The following XPO4 variants were observed in gnomAD, a reference collection of about 807,000 sequenced individuals.
XPO4 encodes the protein exportin 4, also known as exportin-4.
XPO4 carries 39 observed loss-of-function variants against 143.0 expected under a neutral mutation model. That is an observed-to-expected ratio of 0.27 (90% CI 0.21 to 0.36). XPO4 has a LOEUF of 0.36. Among genes scored for constraint, XPO4 ranks in the 10% least tolerant of loss-of-function variants. The pLI is 1.00. For synonymous variants in XPO4, 439 were observed against 474.0 expected, an observed-to-expected ratio of 0.93 and a Z score of 0.96; for missense variants, 907 against 1,348.0, an observed-to-expected ratio of 0.67 and a Z score of 5.12.
At chr13:20,821,102 C>T (rs896226782) in intron 9 of XPO4, among the ~76,000 whole-genome samples, 1 of 152,004 alleles carries the variant, frequency 6.6e-6, no homozygotes, top group Non-Finnish European at 1.5e-5. Flanking sequence ...ATGGAAAATA[C>T]ACATTTGGAA....
At chr13:20,878,946 C>G (rs2060380148) in intron 1 of XPO4, among the ~76,000 whole-genome samples, 1 of 152,134 alleles carries the variant, frequency 6.6e-6, no homozygotes, top group South Asian at 2.1e-4. Context: ...TGACCTTAAA[C>G]AACTCTTCTG....
At chr13:20,880,970 A>G in intron 1 of XPO4, among the ~76,000 whole-genome samples, 1 of 152,002 alleles carries the variant, frequency 6.6e-6, no homozygotes, top group East Asian at 1.9e-4. Context: ...AAAAAAAAAA[A>G]AAAGGAATGA....
At chr13:20,797,925 G>A (rs950307369) in intron 16 of XPO4, among the ~76,000 whole-genome samples, 1 of 152,096 alleles carries the variant, frequency 6.6e-6, no homozygotes, top group Non-Finnish European at 1.5e-5. Context: ...TGAGGTGGGC[G>A]GATCACTTGA....
chr13:20,897,045 T>C (rs2060576161), intron 1 of XPO4, among the ~76,000 whole-genome samples: 1 of 152,216 alleles, frequency 6.6e-6, no homozygotes, highest in South Asian at 2.1e-4. Context: ...ATTTGAAACA[T>C]AAATTTCCTA....
At chr13:20,789,199 T>C (rs1309729473) in intron 19 of XPO4, among the ~76,000 whole-genome samples, 2 of 152,154 alleles carry the variant, frequency 1.3e-5, no homozygotes, top group East Asian at 1.9e-4. Flanking sequence ...TGCAAATCAA[T>C]ATGGAGAGTT....
rs1029714857 is a variant in XPO4 at position 20,779,530 on chromosome 13, T to C, written c.*4192A>G. On this transcript the variant is annotated 3_prime_UTR_variant, in exon 23 of 23. Coordinates refer to ENST00000255305, the MANE Select transcript of XPO4 (RefSeq NM_022459.5). Reference sequence around the variant, plus strand: ...TCCAATTGCTGGGAGGGCCTGGGAATAGGTGAAGATCAAACCACAGTGGGA... The same window carrying C: ...TCCAATTGCTGGGAGGGCCTGGGAACAGGTGAAGATCAAACCACAGTGGGA... The C allele has an allele frequency of 6.6e-6, 1 of 151,900 alleles. No individual in the cohort carries two copies. Among genetic ancestry groups the C allele is most frequent in the Admixed American group, 6.6e-5 (1 of 15,224 alleles). 9.4% of individuals were successfully genotyped at this position (151,900 alleles called of 1,614,324 possible). A position where few individuals can be genotyped will look rare whatever the true frequency, so the allele number is the denominator to read the frequency against.
chr13:20,902,552 C>T (rs1425687974), intron 1 of XPO4, 118 bp downstream of exon 1: 2 of 1,327,964 alleles, frequency 1.5e-6, no homozygotes, highest in Non-Finnish European at 1.9e-6. Flanking sequence ...TCCTCCTCCA[C>T]TTCCAGGCTC....
intron 1 of XPO4, among the ~76,000 whole-genome samples, chr13:20,897,231 G>A (rs1225065722): frequency 6.6e-6 from 1 of 152,218 alleles, no homozygotes; most frequent in Non-Finnish European, 1.5e-5. Context: ...GACGTGTACT[G>A]TGGTTACAAA....
At chr13:20,789,767 C>CGCAT (rs1339049368) in intron 19 of XPO4, among the ~76,000 whole-genome samples, 4 of 151,990 alleles carry the variant, frequency 2.6e-5, no homozygotes, top group South Asian at 2.1e-4. Flanking sequence ...TGTGTGCACA[C>CGCAT]GCATGCATGC....
rs2059101478 is a variant in XPO4 at position 20,777,558 on chromosome 13, A to G, written c.*6164T>C. 1 of 152,250 alleles carries G rather than the reference A, an allele frequency of 6.6e-6. No individual in the cohort carries two copies. The highest frequency in any genetic ancestry group is 2.4e-5 in the African/African-American group (1 of 41,460). The allele number at this position is 152,250 out of a possible 1,614,324, so 9.4% of individuals were successfully genotyped here. On this transcript the variant is annotated 3_prime_UTR_variant, in exon 23 of 23. Coordinates refer to ENST00000255305, the MANE Select transcript of XPO4 (RefSeq NM_022459.5). ...ACCAGGTCAGTCCTTAGAAATAACCATAACATCCAGGGCAGTGCAGTTATA... is the reference window on the plus strand; with the variant it reads ...ACCAGGTCAGTCCTTAGAAATAACCGTAACATCCAGGGCAGTGCAGTTATA...
intron 4 of XPO4, among the ~76,000 whole-genome samples, chr13:20,854,742 A>G (rs1007154320): frequency 6.6e-6 from 1 of 152,170 alleles, no homozygotes. Flanking sequence ...GAGTGATTAC[A>G]ACCAAACAGC....
intron 16 of XPO4, among the ~76,000 whole-genome samples, chr13:20,798,808 C>A (rs1462930838): frequency 6.6e-6 from 1 of 151,824 alleles, no homozygotes; most frequent in Non-Finnish European, 1.5e-5. Context: ...TTGCTTGAGG[C>A]CAGGAGTTCG....
chr13:20,827,248 A>G (rs915986443), intron 6 of XPO4, 69 bp from the exon 7 acceptor site: 16 of 1,110,952 alleles, frequency 1.4e-5, no homozygotes, highest in Non-Finnish European at 1.8e-5. Context: ...TATCCTAAAT[A>G]TAACAGGAGC....
At chr13:20,831,828 T>G (rs76828111) in intron 6 of XPO4, among the ~76,000 whole-genome samples, 1 of 126,250 alleles carries the variant, frequency 7.9e-6, no homozygotes, top group Non-Finnish European at 1.8e-5. Context: ...TTTTTTTTTT[T>G]GGTCTCTGTA....
chr13:20,825,226 A>C (rs1031329035), intron 7 of XPO4, among the ~76,000 whole-genome samples: 1 of 152,224 alleles, frequency 6.6e-6, no homozygotes, highest in Admixed American at 6.5e-5. Context: ...GGCAGAATGC[A>C]ACCCAAAGTA....
intron 20 of XPO4, among the ~76,000 whole-genome samples, chr13:20,788,081 G>A (rs1397743025): frequency 6.7e-6 from 1 of 148,260 alleles, no homozygotes; most frequent in African/African-American, 2.5e-5. Context: ...TTGAGATGGA[G>A]TTTCACTCTT....
intron 1 of XPO4, among the ~76,000 whole-genome samples, chr13:20,870,733 A>G (rs1450318671): frequency 6.6e-6 from 1 of 151,980 alleles, no homozygotes; most frequent in African/African-American, 2.4e-5. Flanking sequence ...CTGCCTCAAA[A>G]AAAAAAAAAA....
intron 4 of XPO4, among the ~76,000 whole-genome samples, chr13:20,844,972 A>G (rs1292635249): frequency 6.6e-6 from 1 of 152,232 alleles, no homozygotes; most frequent in Non-Finnish European, 1.5e-5. Flanking sequence ...GGAGTTCGAG[A>G]CCAGCCTGGC....
chr13:20,832,866 A>G (rs970786961), intron 6 of XPO4, among the ~76,000 whole-genome samples: 1 of 152,178 alleles, frequency 6.6e-6, no homozygotes, highest in Non-Finnish European at 1.5e-5. Flanking sequence ...AAGCTTCTGT[A>G]TCCCATTACT....
Sources: gnomAD v4.1 joint callset for allele counts (sites outside exome capture counted in the v4.1 genomes callset) on GRCh38, gnomAD v4.1.1 for gene constraint, MANE v1.5 for transcripts, NCBI Gene and HGNC (gene_info 2026-07-23, HGNC 2026-07-21) for gene names.